Variants in ARMC9 observed in about 807,000 individuals in gnomAD.
ARMC9 encodes the protein armadillo repeat containing 9, also known as lisH domain-containing protein ARMC9.
ARMC9 carries 94 observed loss-of-function variants against 107.0 expected under a neutral mutation model. That is an observed-to-expected ratio of 0.88 (90% CI 0.74 to 1.04). The LOEUF (loss-of-function observed/expected upper bound fraction) is 1.04. ARMC9 is among the 50% of genes least tolerant of loss of function. The pLI, the probability that ARMC9 is intolerant of heterozygous loss-of-function variation, is 0.00. For missense variants in ARMC9, 942 were observed against 1,030.1 expected (o/e 0.91, Z 1.17); for synonymous variants, 380 against 396.9 (o/e 0.96, Z 0.51).
chr2:231,324,163 T>C (rs2043164099), intron 19 of ARMC9, among the ~76,000 whole-genome samples: 1 of 136,338 alleles, frequency 7.3e-6, no homozygotes, highest in South Asian at 2.4e-4. Context: ...AGTCTTGCTC[T>C]GTTGCCCAGG....
intron 8 of ARMC9, 121 bp downstream of exon 8, chr2:231,235,502 C>T (rs2035626260): frequency 8.3e-7 from 1 of 1,209,112 alleles, no homozygotes. Context: ...GTGGCGCCTG[C>T]TGCTCTATTT....
intron 12 of ARMC9, among the ~76,000 whole-genome samples, chr2:231,266,624 C>T (rs920625220): frequency 6.6e-6 from 1 of 152,170 alleles, no homozygotes; most frequent in South Asian, 2.1e-4. Flanking sequence ...CTACTCCAGG[C>T]CCCTGGCAAA....
At chr2:231,260,267 G>A (rs1312928203) in intron 11 of ARMC9, among the ~76,000 whole-genome samples, 6 of 152,096 alleles carry the variant, frequency 3.9e-5, no homozygotes, top group African/African-American at 1.4e-4. Flanking sequence ...TCATAAAAAA[G>A]GCATTGTCAC....
At chr2:231,311,684 C>T (rs1254947525) in intron 19 of ARMC9, among the ~76,000 whole-genome samples, 1 of 145,680 alleles carries the variant, frequency 6.9e-6, no homozygotes, top group Non-Finnish European at 1.5e-5. Flanking sequence ...GAGTGAGAAT[C>T]GCTTGAATCC....
At chr2:231,280,891 C>T (rs532408846) in intron 16 of ARMC9, among the ~76,000 whole-genome samples, 17 of 152,294 alleles carry the variant, frequency 1.1e-4, no homozygotes, top group East Asian at 9.6e-4. Flanking sequence ...CTAGTTCAAT[C>T]GGGAACTGAA....
At chr2:231,333,371 G>A (rs1387953629) in intron 20 of ARMC9, among the ~76,000 whole-genome samples, 1 of 152,256 alleles carries the variant, frequency 6.6e-6, no homozygotes. Context: ...AAGGCAGGGA[G>A]GTGACTGATG....
chr2:231,298,816 C>A (rs920346625), intron 19 of ARMC9, among the ~76,000 whole-genome samples: 3 of 152,076 alleles, frequency 2.0e-5, no homozygotes, highest in Non-Finnish European at 2.9e-5. Flanking sequence ...CGCCTGTAAT[C>A]CCAGCTACTA....
chr2:231,266,011 A>G lies in ARMC9; in HGVS notation c.1119+3613A>G, dbSNP rs80159477. On this transcript the variant is annotated intron_variant, in intron 12 of 24. Transcript: ENST00000611582. The stretch of plus-strand genomic sequence containing the variant: ...AGACGCCATCTAAAAAAAAAAAAAA[A>G]AAGAAGAAATGAGTTGAAGTTCTCT... Among the ~76,000 whole-genome samples, 230 of 152,132 alleles carry G rather than the reference A, an allele frequency of 1.5e-3. 1 individual carries two copies. Among genetic ancestry groups the G allele is most frequent in the African/African-American group, 4.7e-3 (195 of 41,516 alleles).
At chr2:231,302,445 T>G (rs921902587) in intron 19 of ARMC9, among the ~76,000 whole-genome samples, 4 of 142,902 alleles carry the variant, frequency 2.8e-5, no homozygotes, top group South Asian at 4.6e-4. Flanking sequence ...TTGTTTTTTT[T>G]TTTTTTTTTT....
chr2:231,302,433 G>GTTT (rs1322418026), intron 19 of ARMC9, among the ~76,000 whole-genome samples: 2,719 of 95,352 alleles, frequency 0.029, 205 homozygotes, highest in Non-Finnish European at 0.036. Context: ...AGCATTGTGG[G>GTTT]TTTGTTTTTT....
At chr2:231,217,693 C>T (rs1479699474) in intron 5 of ARMC9, among the ~76,000 whole-genome samples, 2 of 151,998 alleles carry the variant, frequency 1.3e-5, no homozygotes, top group Non-Finnish European at 2.9e-5. Flanking sequence ...AATTGTAACA[C>T]ACATATGTTT....
Position 231,243,367 on chromosome 2 carries a change from C to T in ARMC9, c.879+3326C>T, listed in dbSNP as rs146066948. ...GGTTGAGGCTACAGCAAGAGGAGAT[C>T]GCACCACTGCACTCCAGCCTGGGTG... On this transcript the variant is annotated intron_variant, in intron 9 of 24. Coordinates refer to ENST00000611582, the MANE Select transcript of ARMC9 (RefSeq NM_001352754.2). Among the ~76,000 whole-genome samples the T allele has an allele frequency of 3.4e-3, 512 of 152,158 alleles. 2 individuals carry two copies. Among genetic ancestry groups the T allele is most frequent in the African/African-American group, 0.012 (492 of 41,490 alleles).
chr2:231,251,367 A>G (rs970852222), intron 9 of ARMC9, among the ~76,000 whole-genome samples: 3 of 151,900 alleles, frequency 2.0e-5, no homozygotes, highest in African/African-American at 7.3e-5. Flanking sequence ...GGGTTTCACC[A>G]TATTCGCCAG....
intron 20 of ARMC9, among the ~76,000 whole-genome samples, chr2:231,337,299 T>A (rs1411140374): frequency 1.6e-4 from 18 of 110,906 alleles, no homozygotes; most frequent in African/African-American, 6.8e-4. Context: ...TATTTTTTTT[T>A]TTTTTTTTTT....
intron 10 of ARMC9, 92 bp downstream of exon 10, chr2:231,256,712 A>G: frequency 1.5e-6 from 2 of 1,372,652 alleles, no homozygotes; most frequent in Non-Finnish European, 2.1e-6. Flanking sequence ...TTAGCAGCCT[A>G]GGTTAGAGGA....
rs1257993825 is a variant in ARMC9 at position 231,262,439 on chromosome 2, A to G, written c.1119+41A>G. ...GGCCAGATCCCAGCCAGGGCCTTCA[A>G]TTCTAGGGAATGATCTTAGCAGATG... On this transcript the variant is annotated intron_variant, in intron 12 of 24. Transcript: ENST00000611582. 2.0e-6 allele frequency: 3 copies of G among 1,532,820 alleles called. No individual in the cohort carries two copies. The East Asian group carries it at 6.8e-5, about 34-fold the overall frequency. The allele number at this position is 1,532,820 out of a possible 1,614,324, so 95.0% of individuals were successfully genotyped here.
At chr2:231,332,369 G>A (rs1367161212) in intron 20 of ARMC9, among the ~76,000 whole-genome samples, 4 of 152,318 alleles carry the variant, frequency 2.6e-5, no homozygotes, top group African/African-American at 9.6e-5. Flanking sequence ...GCAGTCAGGA[G>A]TGGGAGAAAG....
At chr2:231,274,751 G>A (rs1436456678) in intron 14 of ARMC9, among the ~76,000 whole-genome samples, 2 of 152,142 alleles carry the variant, frequency 1.3e-5, no homozygotes, top group African/African-American at 4.8e-5. Flanking sequence ...ATAACCAGAA[G>A]CCTACAAAGT....
At chr2:231,211,508 G>T (rs2032859816) in intron 3 of ARMC9, among the ~76,000 whole-genome samples, 1 of 151,968 alleles carries the variant, frequency 6.6e-6, no homozygotes, top group Admixed American at 6.6e-5. Flanking sequence ...CTCCAGCCTG[G>T]GGTAAAAAAG....
Sources: allele counts gnomAD v4.1 joint callset (sites outside exome capture counted in the v4.1 genomes callset), GRCh38; gene constraint gnomAD v4.1.1; transcripts MANE v1.5; gene names NCBI Gene and HGNC (gene_info 2026-07-23, HGNC 2026-07-21).